XYLT1: variants seen among roughly 807,000 people sequenced by gnomAD.
XYLT1 encodes beta-D-xylosyltransferase 1.
In XYLT1, 36 loss-of-function variants were observed where a neutral mutation model predicts 91.3. That is an observed-to-expected ratio of 0.39 (90% CI 0.30 to 0.52). XYLT1 has a LOEUF of 0.52. Among genes scored for constraint, XYLT1 ranks in the 20% least tolerant of loss-of-function variants. The pLI is 0.68. For missense variants in XYLT1, 1,242 were observed against 1,284.5 expected (o/e 0.97, Z 0.51); for synonymous variants, 588 against 532.0 (o/e 1.11, Z -1.45).
rs1461037516 is a variant in XYLT1, at chr16:17,117,781, A to G, written c.2422T>C (p.Tyr808His). ...LIESTAEFTHYKPPLNLPLRP... is the reference protein window; with the variant it reads ...LIESTAEFTHHKPPLNLPLRP... ...AGGGGCAAGTTCAAAGGGGGCTTGT[A>G]GTGTGTGAATTCGGCAGTGGACTCA... Residue 808 changes from tyrosine (Y) to histidine (H), a missense_variant, in exon 11 of 12, where the codon TAC becomes CAC. By Grantham distance (83) the Tyr-to-His change is moderately conservative. Around this residue, in one of 3 missense-constraint regions of XYLT1, gnomAD observed 511 missense variants for 497.0 expected, o/e 1.03. Transcript: ENST00000261381. 1 of 1,614,160 alleles carries G rather than the reference A, an allele frequency of 6.2e-7. No individual in the cohort carries two copies. The highest frequency in any genetic ancestry group is 1.1e-5 in the South Asian group (1 of 91,086).
At chr16:17,180,698 A>G (rs984300881) in intron 5 of XYLT1, among the ~76,000 whole-genome samples, 8 of 152,098 alleles carry the variant, frequency 5.3e-5, no homozygotes, top group African/African-American at 1.9e-4. Flanking sequence ...TCCCCTTCCC[A>G]TTCTCCACTT....
chr16:17,296,279 T>TG (rs1206429136), intron 2 of XYLT1, among the ~76,000 whole-genome samples: 3 of 151,960 alleles, frequency 2.0e-5, no homozygotes, highest in Non-Finnish European at 2.9e-5. Context: ...TGGGGGGTGT[T>TG]GGGGTACCAC....
intron 3 of XYLT1, among the ~76,000 whole-genome samples, chr16:17,224,539 C>T (rs989805150): frequency 6.6e-6 from 1 of 152,176 alleles, no homozygotes; most frequent in Non-Finnish European, 1.5e-5. Context: ...TTAGAAAGCA[C>T]GTGCTTTATA....
chr16:17,357,286 G>C (rs184744716), intron 2 of XYLT1, among the ~76,000 whole-genome samples: 5 of 151,878 alleles, frequency 3.3e-5, no homozygotes, highest in African/African-American at 4.8e-5. Context: ...TGCAAGGTGG[G>C]CACTATCACT....
chr16:17,399,845 C>G (rs994757628), intron 1 of XYLT1, among the ~76,000 whole-genome samples: 1 of 152,086 alleles, frequency 6.6e-6, no homozygotes, highest in Non-Finnish European at 1.5e-5. Flanking sequence ...TTGACAGAGT[C>G]TCTTTGGAAA....
At chr16:17,302,997 T>A (rs937297897) in intron 2 of XYLT1, among the ~76,000 whole-genome samples, 1 of 151,818 alleles carries the variant, frequency 6.6e-6, no homozygotes, top group Non-Finnish European at 1.5e-5. Flanking sequence ...GTTGGCAGTA[T>A]GGGTAGGGAA....
At chr16:17,144,351 T>A (rs1456245634) in intron 6 of XYLT1, among the ~76,000 whole-genome samples, 2 of 152,194 alleles carry the variant, frequency 1.3e-5, no homozygotes, top group Non-Finnish European at 2.9e-5. Context: ...AACGACAGGC[T>A]TTATCTTCTA....
intron 1 of XYLT1, among the ~76,000 whole-genome samples, chr16:17,469,012 C>T (rs546693903): frequency 1.3e-5 from 2 of 152,284 alleles, no homozygotes; most frequent in African/African-American, 4.8e-5. Context: ...TCTGGTTCTC[C>T]GTCAGGCAGC....
At chr16:17,127,882 G>C (rs758730299) in intron 9 of XYLT1, 21 bp from the exon 10 acceptor site, 1 of 1,609,024 alleles carries the variant, frequency 6.2e-7, no homozygotes, top group African/African-American at 1.3e-5. Flanking sequence ...AGGCGCTCAT[G>C]CATTAGGGCC....
chr16:17,187,918 C>T (rs1214485421), intron 5 of XYLT1, among the ~76,000 whole-genome samples: 2 of 152,022 alleles, frequency 1.3e-5, no homozygotes, highest in East Asian at 1.9e-4. Flanking sequence ...TTTTCTGACC[C>T]GCTCTCCTAA....
intron 2 of XYLT1, among the ~76,000 whole-genome samples, chr16:17,263,227 G>A (rs1190024391): frequency 1.3e-5 from 2 of 151,818 alleles, no homozygotes; most frequent in Admixed American, 6.6e-5. Flanking sequence ...TCACTTTCTG[G>A]CTGAACTTTG....
chr16:17,249,329 G>A (rs1204369118), intron 3 of XYLT1, among the ~76,000 whole-genome samples: 1 of 152,164 alleles, frequency 6.6e-6, no homozygotes, highest in Non-Finnish European at 1.5e-5. Flanking sequence ...AGAGACCCCA[G>A]TGTGAAGGGA....
chr16:17,429,537 T>C (rs1283908561), intron 1 of XYLT1, among the ~76,000 whole-genome samples: 1 of 152,176 alleles, frequency 6.6e-6, no homozygotes, highest in East Asian at 1.9e-4. Context: ...GATGGTTACT[T>C]CTGTGTGTTA....
intron 2 of XYLT1, among the ~76,000 whole-genome samples, chr16:17,357,408 A>T (rs957283020): frequency 5.9e-5 from 9 of 152,088 alleles, no homozygotes; most frequent in African/African-American, 2.2e-4. Context: ...TTGAACTCCA[A>T]GGCCTATACT....
At chr16:17,185,754 A>G (rs182058845) in intron 5 of XYLT1, among the ~76,000 whole-genome samples, 117 of 152,262 alleles carry the variant, frequency 7.7e-4, no homozygotes, top group East Asian at 9.7e-4. Context: ...TAATCCTAGC[A>G]CTTTGGGAGG....
chr16:17,121,819 C>T (rs1233727120), intron 10 of XYLT1, among the ~76,000 whole-genome samples: 6 of 152,186 alleles, frequency 3.9e-5, no homozygotes, highest in Non-Finnish European at 7.3e-5. Context: ...CATAGCTTAG[C>T]TCCCTCTTAT....
At chr16:17,232,254 ATAAT>A (rs1452197795) in intron 3 of XYLT1, among the ~76,000 whole-genome samples, 5 of 142,696 alleles carry the variant, frequency 3.5e-5, no homozygotes, top group South Asian at 2.1e-4. Context: ...TATATTATAT[ATAAT>A]TATTATTATA....
At chr16:17,159,336 T>C (rs1269428597) in intron 5 of XYLT1, among the ~76,000 whole-genome samples, 1 of 152,174 alleles carries the variant, frequency 6.6e-6, no homozygotes, top group African/African-American at 2.4e-5. Context: ...TCCTTTCAAA[T>C]ACCACCTCTT....
intron 1 of XYLT1, among the ~76,000 whole-genome samples, chr16:17,445,062 C>T (rs1284797265): frequency 2.0e-5 from 3 of 152,188 alleles, no homozygotes; most frequent in Non-Finnish European, 4.4e-5. Flanking sequence ...TGCAGTAGCA[C>T]GATCTCAGCT....
Sources: allele counts gnomAD v4.1 joint callset (sites outside exome capture counted in the v4.1 genomes callset), GRCh38; gene constraint gnomAD v4.1.1; regional missense constraint gnomAD v4.1.1; transcripts MANE v1.5; gene names NCBI Gene and HGNC (gene_info 2026-07-23, HGNC 2026-07-21).